KIF23: variants seen among roughly 807,000 people sequenced by gnomAD.
The protein encoded by KIF23 is kinesin-like protein KIF23.
Under a neutral mutation model 137.5 loss-of-function variants are expected in KIF23, and 30 were observed. That is an observed-to-expected ratio of 0.22 (90% confidence interval 0.16 to 0.30). The LOEUF (loss-of-function observed/expected upper bound fraction) is 0.30. Ranked by LOEUF, KIF23 falls within the 10% of genes least tolerant of loss-of-function variation. KIF23 has a pLI of 1.00. For missense variants in KIF23, 920 were observed against 1,194.3 expected (o/e 0.77, Z 3.38); for synonymous variants, 367 against 391.1 (o/e 0.94, Z 0.73).
intron 11 of KIF23, among the ~76,000 whole-genome samples, chr15:69,430,944 A>G (rs1387552183): frequency 1.3e-5 from 2 of 152,162 alleles, no homozygotes; most frequent in Non-Finnish European, 2.9e-5. Flanking sequence ...TCTTTATACT[A>G]TGTCATACAG....
At chr15:69,441,772 CTT>C (rs1235466537) in intron 19 of KIF23, among the ~76,000 whole-genome samples, 10 of 142,502 alleles carry the variant, frequency 7.0e-5, no homozygotes, top group African/African-American at 5.2e-5. Flanking sequence ...ATTGGCTTTT[CTT>C]TTTTTTTTTT....
At chr15:69,426,752 G>A in intron 10 of KIF23, 1 of 297,872 alleles carries the variant, frequency 3.4e-6, no homozygotes, top group Non-Finnish European at 6.3e-6. Flanking sequence ...AGGTTTTATT[G>A]CAATGAAGAT....
chr15:69,434,741 C>T (rs1229883783), intron 11 of KIF23: 10 of 1,272,012 alleles, frequency 7.9e-6, no homozygotes, highest in East Asian at 2.4e-5. Flanking sequence ...TGGGCACGAA[C>T]GCGCTGACTG....
rs112635004 is a variant in KIF23 at position 69,447,483 on chromosome 15, A to G, written c.2910-309A>G. Among the ~76,000 whole-genome samples, 14 of 152,308 alleles carry G rather than the reference A, an allele frequency of 9.2e-5. 1 individual carries two copies. The highest frequency in any genetic ancestry group is 3.4e-4 in the African/African-American group (14 of 41,546). ...AATAAAATCCCTTCTTTACAAATACATACATATATGTATATCACATGTTAT... is the reference window on the plus strand; with the variant it reads ...AATAAAATCCCTTCTTTACAAATACGTACATATATGTATATCACATGTTAT... On this transcript the variant is annotated intron_variant, in intron 23 of 23. Coordinates refer to ENST00000679126, the MANE Select transcript of KIF23 (RefSeq NM_001367805.3).
At chr15:69,424,557 C>T (rs940537486) in intron 7 of KIF23, among the ~76,000 whole-genome samples, 1 of 152,186 alleles carries the variant, frequency 6.6e-6, no homozygotes, top group Non-Finnish European at 1.5e-5. Flanking sequence ...CAGGGTCTTG[C>T]TCTGCCATGT....
rs367651357 is a variant in KIF23 at position 69,440,936 on chromosome 15, G to C, written c.2278G>C (p.Ala760Pro). 4 of 1,614,080 alleles carry C rather than the reference G, an allele frequency of 2.5e-6. No individual in the cohort carries two copies. Among genetic ancestry groups the C allele is most frequent in the Non-Finnish European group, 2.5e-6 (3 of 1,180,042 alleles). The part of the protein sequence containing the change: ...YNTPLKVTSI[A>P]RRRQQEPGQS... The stretch of plus-strand genomic sequence containing the variant: ...CACACCTCTCAAAGTCACATCTATT[G>C]CAAGGCGTAGGCAGCAGGAGCCAGG... The change falls in exon 19 of 24, where the codon GCA (alanine) becomes CCA (proline). Residue 760 changes from alanine to proline, a missense_variant. Physicochemically the swap from Ala to Pro is conservative, Grantham distance 27. Coordinates refer to ENST00000679126, the MANE Select transcript of KIF23 (RefSeq NM_001367805.3).
chr15:69,435,402 G>T, intron 11 of KIF23, 81 bp from the exon 12 acceptor site: 1 of 1,121,088 alleles, frequency 8.9e-7, no homozygotes, highest in South Asian at 1.5e-5. Flanking sequence ...GTTTGAAGTT[G>T]AGATTTTATA....
intron 16 of KIF23, among the ~76,000 whole-genome samples, chr15:69,439,099 A>G (rs1176903299): frequency 1.5e-5 from 2 of 135,900 alleles, no homozygotes; most frequent in African/African-American, 2.9e-5. Context: ...GCCTGTCTCA[A>G]AAAAAAAAAA....
chr15:69,439,928 A>G lies in KIF23; in HGVS notation c.1780A>G (p.Thr594Ala). The change falls in exon 17 of 24, where the codon ACT (threonine) becomes GCT (alanine). Residue 594 changes from threonine to alanine, a missense_variant. Physicochemically the swap from Thr to Ala is moderately conservative, Grantham distance 58. Transcript: ENST00000679126. The part of the protein sequence containing the change: ...YKIEILEKTT[T>A]IYEEDKRNLQ... ...GATTGAGATTTTAGAGAAAACAACT[A>G]CTATCTATGAGGAAGATAAACGCAA... is the stretch of plus-strand genomic sequence containing the variant. The G allele has an allele frequency of 1.2e-6, 2 of 1,613,206 alleles. No homozygotes were observed. Among genetic ancestry groups the G allele is most frequent in the Non-Finnish European group, 1.7e-6 (2 of 1,179,650 alleles).
Position 69,441,045 on chromosome 15 carries a change from A to G in KIF23, c.2387A>G (p.Asn796Ser). 2 of 1,613,964 alleles carry G rather than the reference A, an allele frequency of 1.2e-6. No individual in the cohort carries two copies. The highest frequency in any genetic ancestry group is 2.7e-5 in the African/African-American group (2 of 75,054). ...EGREVVPTFRNEIEIEEDHCG... is the reference protein window; with the variant it reads ...EGREVVPTFRSEIEIEEDHCG... ...AGGGAGGTGGTTCCTACATTCAGAA[A>G]TGAGATAGAAATAGAAGAGGATCAT... Residue 796 changes from asparagine to serine, a missense_variant, in exon 19 of 24, where the codon AAT becomes AGT. Around this residue, in one of 4 missense-constraint regions of KIF23, gnomAD observed 714 missense variants for 866.2 expected, o/e 0.82. Coordinates refer to ENST00000679126, the MANE Select transcript of KIF23 (RefSeq NM_001367805.3).
At chr15:69,418,850 C>T (rs1240674892) in intron 3 of KIF23, among the ~76,000 whole-genome samples, 1 of 152,204 alleles carries the variant, frequency 6.6e-6, no homozygotes, top group African/African-American at 2.4e-5. Flanking sequence ...CAGATGGAGG[C>T]TCATGCCTGC....
intron 17 of KIF23, 90 bp downstream of exon 17, chr15:69,440,167 C>A: frequency 6.6e-7 from 1 of 1,507,712 alleles, no homozygotes; most frequent in Non-Finnish European, 9.0e-7. Flanking sequence ...ATTGTATTTG[C>A]GGTAGGGTTT....
intron 11 of KIF23, among the ~76,000 whole-genome samples, chr15:69,431,401 CAG>C (rs1034283845): frequency 1.2e-4 from 18 of 152,170 alleles, no homozygotes; most frequent in Non-Finnish European, 1.9e-4. Context: ...ATCACGAGGT[CAG>C]GGGATCGAGA....
At chr15:69,422,503 A>G in intron 6 of KIF23, 68 bp downstream of exon 6, 8 of 873,302 alleles carry the variant, frequency 9.2e-6, no homozygotes, top group Non-Finnish European at 1.5e-5. Context: ...GTTTGCCCAG[A>G]CATGAGGAAT....
In KIF23 at chr15:69,422,380, T is replaced by C; in HGVS notation, c.508T>C (p.Leu170=). 6.2e-7 allele frequency: 1 copy of C among 1,611,796 alleles called. No individual in the cohort carries two copies. The highest frequency in any genetic ancestry group is 8.5e-7 in the Non-Finnish European group (1 of 1,178,004). The change falls in exon 6 of 24, where the codon TTA becomes CTA. Residue 170 remains leucine, a synonymous_variant. Transcript: ENST00000679126. The part of the protein sequence containing the change: ...SMDIQCEVDA[L]LERQKREAMP... ...GGATATACAGTGTGAGGTTGATGCC[T>C]TATTAGAACGTCAGAAAAGAGAAGC...
At chr15:69,423,864 G>GT (rs1297118124) in intron 7 of KIF23, among the ~76,000 whole-genome samples, 1 of 152,136 alleles carries the variant, frequency 6.6e-6, no homozygotes, top group African/African-American at 2.4e-5. Flanking sequence ...TTTCTGAGAC[G>GT]TAAGACTGGT....
chr15:69,429,494 G>A (rs1403475627), intron 11 of KIF23, among the ~76,000 whole-genome samples: 1 of 151,898 alleles, frequency 6.6e-6, no homozygotes, highest in South Asian at 2.1e-4. Flanking sequence ...TTTTGTAGAG[G>A]TGGGGTCTCC....
In KIF23 at chr15:69,434,830, T is replaced by C. The variant is rs1190799691; in HGVS notation, c.1115-653T>C. The C allele has an allele frequency of 6.5e-6, 6 of 929,172 alleles. No homozygotes were observed. The African/African-American group carries it at 9.8e-5, about 15-fold the overall frequency. 57.6% of individuals were successfully genotyped at this position (929,172 alleles called of 1,614,324 possible). ...CACTCATCCTGCACGTCCCTGGCAG[T>C]AATGTCCAGGCACAGGGCATAGCTG... On this transcript the variant is annotated intron_variant, in intron 11 of 23. Coordinates refer to ENST00000679126, the MANE Select transcript of KIF23 (RefSeq NM_001367805.3).
At position 69,440,429 on chromosome 15, in the gene KIF23, C is replaced by T; in HGVS notation, c.2051C>T (p.Ser684Phe). The T allele has an allele frequency of 6.2e-7, 1 of 1,613,672 alleles. No individual in the cohort carries two copies. The highest frequency in any genetic ancestry group is 1.1e-5 in the South Asian group (1 of 90,974). The change falls in exon 18 of 24, where the codon TCT becomes TTT. Residue 684 changes from serine (S) to phenylalanine (F), a missense_variant. Ser to Phe is a radical substitution (Grantham distance 155). Transcript: ENST00000679126. ...EPKTEKPERP[S>F]RERDREKVTQ... Reference sequence around the variant, plus strand: ...AAAACTGAGAAGCCAGAGAGACCCTCTCGGGAGCGAGATCGAGAAAAAGTT... The same window carrying T: ...AAAACTGAGAAGCCAGAGAGACCCTTTCGGGAGCGAGATCGAGAAAAAGTT...
Sources: allele counts gnomAD v4.1 joint callset (sites outside exome capture counted in the v4.1 genomes callset), GRCh38; gene constraint gnomAD v4.1.1; regional missense constraint gnomAD v4.1.1; transcripts MANE v1.5; gene names NCBI Gene and HGNC (gene_info 2026-07-23, HGNC 2026-07-21).